DLC1: variants seen among roughly 807,000 people sequenced by gnomAD.
DLC1 encodes the protein rho GTPase-activating protein 7.
In DLC1, 54 loss-of-function variants were observed where a neutral mutation model predicts 140.3. The observed-to-expected ratio is 0.38, with a 90% CI of 0.31 to 0.48. The LOEUF (loss-of-function observed/expected upper bound fraction) is 0.48, where lower values mean the gene tolerates loss of function less well. Among genes scored for constraint, DLC1 ranks in the 20% least tolerant of loss-of-function variants. The pLI, the probability that DLC1 is intolerant of heterozygous loss-of-function variation, is 0.96. For missense variants in DLC1, 2,536 were observed against 1,907.0 expected, an observed-to-expected ratio of 1.33 and a Z score of -6.14; for synonymous variants, 986 against 728.1, an observed-to-expected ratio of 1.35 and a Z score of -5.70.
intron 5 of DLC1, among the ~76,000 whole-genome samples, chr8:13,213,752 T>C (rs1396309690): frequency 6.6e-6 from 1 of 152,072 alleles, no homozygotes; most frequent in Non-Finnish European, 1.5e-5. Flanking sequence ...GGTAACTTGA[T>C]GCGTTTCATA....
At chr8:13,592,821 C>A (rs964649375) in intron 1 of DLC1, among the ~76,000 whole-genome samples, 1 of 152,044 alleles carries the variant, frequency 6.6e-6, no homozygotes, top group African/African-American at 2.4e-5. Flanking sequence ...TGTGGCTAAG[C>A]AATGATTTGT....
intron 1 of DLC1, among the ~76,000 whole-genome samples, chr8:13,503,681 A>G (rs1239773195): frequency 2.0e-5 from 3 of 152,210 alleles, no homozygotes; most frequent in Non-Finnish European, 4.4e-5. Context: ...GACAGTAGTT[A>G]GTTCATAATC....
intron 5 of DLC1, among the ~76,000 whole-genome samples, chr8:13,167,390 T>C (rs1412441028): frequency 6.6e-6 from 1 of 152,162 alleles, no homozygotes; most frequent in Non-Finnish European, 1.5e-5. Flanking sequence ...GAATTACATA[T>C]ATTATGTGTG....
intron 4 of DLC1, among the ~76,000 whole-genome samples, chr8:13,317,105 G>T (rs980733765): frequency 6.6e-6 from 1 of 152,098 alleles, no homozygotes; most frequent in African/African-American, 2.4e-5. Flanking sequence ...ATTTCAGAAT[G>T]GGTCAATGAA....
At chr8:13,375,102 A>G (rs11994122) in intron 4 of DLC1, among the ~76,000 whole-genome samples, 59,962 of 148,282 alleles carry the variant, frequency 0.4, 12,813 homozygotes, top group East Asian at 0.77. Context: ...ATCTTGGCTC[A>G]CTGCAAGCTC....
intron 2 of DLC1, among the ~76,000 whole-genome samples, chr8:13,497,239 G>A (rs532524712): frequency 2.0e-5 from 3 of 152,150 alleles, no homozygotes; most frequent in Non-Finnish European, 2.9e-5. Context: ...TAAAAATGGC[G>A]AATTGCCAAT....
At chr8:13,178,198 C>G (rs943000150) in intron 5 of DLC1, among the ~76,000 whole-genome samples, 1 of 152,092 alleles carries the variant, frequency 6.6e-6, no homozygotes, top group Non-Finnish European at 1.5e-5. Context: ...AAGTAGAACT[C>G]ACTCCTGACC....
At chr8:13,443,300 A>G (rs1217321613) in intron 2 of DLC1, among the ~76,000 whole-genome samples, 1 of 150,858 alleles carries the variant, frequency 6.6e-6, no homozygotes, top group Non-Finnish European at 1.5e-5. Flanking sequence ...ACATGTATAC[A>G]TATGTAACTA....
At chr8:13,530,028 G>C (rs988237230) in intron 1 of DLC1, among the ~76,000 whole-genome samples, 6 of 152,156 alleles carry the variant, frequency 3.9e-5, no homozygotes, top group African/African-American at 7.2e-5. Context: ...AAGAGGGTTG[G>C]AGGAAAAACA....
chr8:13,210,778 G>A (rs1033004378), intron 5 of DLC1, among the ~76,000 whole-genome samples: 9 of 152,162 alleles, frequency 5.9e-5, no homozygotes, highest in Admixed American at 5.9e-4. Flanking sequence ...TGAGGAAAAT[G>A]ATTTAGCCCT....
At chr8:13,513,600 A>G (rs566145418) in intron 1 of DLC1, among the ~76,000 whole-genome samples, 59 of 152,164 alleles carry the variant, frequency 3.9e-4, no homozygotes, top group Non-Finnish European at 7.4e-4. Flanking sequence ...CCCTTTATGT[A>G]CCATTTTATT....
intron 5 of DLC1, among the ~76,000 whole-genome samples, chr8:13,203,705 A>G (rs1455014510): frequency 6.6e-6 from 1 of 152,122 alleles, no homozygotes; most frequent in Non-Finnish European, 1.5e-5. Flanking sequence ...TTTAAGGCAA[A>G]TATTCCTCAG....
chr8:13,225,237 G>A (rs1196384163), intron 5 of DLC1, among the ~76,000 whole-genome samples: 2 of 152,178 alleles, frequency 1.3e-5, no homozygotes, highest in South Asian at 2.1e-4. Flanking sequence ...ACAAGTTTCC[G>A]TGGGATTGCT....
At chr8:13,488,087 G>A (rs1443476405) in intron 2 of DLC1, among the ~76,000 whole-genome samples, 1 of 152,072 alleles carries the variant, frequency 6.6e-6, no homozygotes, top group East Asian at 1.9e-4. Flanking sequence ...TAATGAAAGA[G>A]GAATTATTCT....
At chr8:13,438,952 C>T (rs551886115) in intron 2 of DLC1, among the ~76,000 whole-genome samples, 150 of 152,308 alleles carry the variant, frequency 9.8e-4, no homozygotes, top group Middle Eastern at 6.8e-3. Context: ...CTAGTTAGCT[C>T]TGCTGTTACG....
At chr8:13,413,256 A>ATTTTTTTGTTTTTTTTTTTTTTT (rs1837875954) in intron 2 of DLC1, among the ~76,000 whole-genome samples, 1 of 82,004 alleles carries the variant, frequency 1.2e-5, no homozygotes, top group Non-Finnish European at 2.3e-5. Flanking sequence ...TTTTTTTGCG[A>ATTTTTTTGTTTTTTTTTTTTTTT]TTTTTTTTTT....
chr8:13,325,930 A>T (rs1326479787), intron 4 of DLC1, among the ~76,000 whole-genome samples: 1 of 152,238 alleles, frequency 6.6e-6, no homozygotes, highest in South Asian at 2.1e-4. Flanking sequence ...TATGATTATA[A>T]TGGAGCATAT....
chr8:13,333,184 T>C (rs1833672591), intron 4 of DLC1, among the ~76,000 whole-genome samples: 2 of 152,234 alleles, frequency 1.3e-5, no homozygotes, highest in South Asian at 4.1e-4. Context: ...ATCAATGTTA[T>C]ACAAGATTTT....
At chr8:13,426,743 G>C (rs188032558) in intron 2 of DLC1, among the ~76,000 whole-genome samples, 1 of 151,836 alleles carries the variant, frequency 6.6e-6, no homozygotes, top group African/African-American at 2.4e-5. Flanking sequence ...TATTTCCTCA[G>C]GGTTCCTGTG....
Sources: gnomAD v4.1 joint callset for allele counts (sites outside exome capture counted in the v4.1 genomes callset) on GRCh38, gnomAD v4.1.1 for gene constraint, MANE v1.5 for transcripts, NCBI Gene and HGNC (gene_info 2026-07-23, HGNC 2026-07-21) for gene names.